TOMM70: variants seen among roughly 807,000 people sequenced by gnomAD.
The protein encoded by TOMM70 is translocase of outer mitochondrial membrane 70.
Under a neutral mutation model 73.6 loss-of-function variants are expected in TOMM70, and 13 were observed. The observed-to-expected ratio is 0.18, with a 90% CI of 0.11 to 0.28. The LOEUF is 0.28. TOMM70 is among the 10% of genes least tolerant of loss of function. The probability of loss-of-function intolerance (pLI) is 1.00; values close to 1 mark genes in which losing one functional copy is unlikely to be tolerated. For missense variants in TOMM70, 609 were observed against 747.5 expected, an observed-to-expected ratio of 0.81 and a Z score of 2.16; for synonymous variants, 257 against 271.2, an observed-to-expected ratio of 0.95 and a Z score of 0.51.
At chr3:100,382,187 G>A (rs1238212343) in intron 4 of TOMM70, among the ~76,000 whole-genome samples, 3 of 152,226 alleles carry the variant, frequency 2.0e-5, no homozygotes, top group South Asian at 2.1e-4. Flanking sequence ...CACAATTACC[G>A]TTTTAAATAA....
chr3:100,387,601 C>CACAGACACAGACACAG (rs1457494380), intron 1 of TOMM70, among the ~76,000 whole-genome samples: 2 of 107,978 alleles, frequency 1.9e-5, no homozygotes, highest in African/African-American at 8.6e-5. Flanking sequence ...CAGACACAGA[C>CACAGACACAGACACAG]ACACACACAC....
chr3:100,379,182 C>G (rs1189212112), intron 5 of TOMM70, among the ~76,000 whole-genome samples: 1 of 145,604 alleles, frequency 6.9e-6, no homozygotes. Context: ...TATGGAGATG[C>G]TTGTAGAAGT....
rs2148887273 is a variant in TOMM70 at position 100,363,507 on chromosome 3, AC to A, written c.*2056del. 1 of 152,784 alleles carries A rather than the reference AC, an allele frequency of 6.5e-6. No homozygotes were observed. Among genetic ancestry groups the A allele is most frequent in the South Asian group, 2.1e-4 (1 of 4,834 alleles). The allele number at this position is 152,784 out of a possible 1,614,324, so 9.5% of individuals were successfully genotyped here. A position where few individuals can be genotyped will look rare whatever the true frequency, so the allele number is the denominator to read the frequency against. On this transcript the variant is annotated 3_prime_UTR_variant, in exon 12 of 12. Coordinates refer to ENST00000284320, the MANE Select transcript of TOMM70 (RefSeq NM_014820.5). ...GGTGAATTTACATGTGAGGTCATTTACAAAAGAAAGATACAGACAGATGCAG... is the reference window on the plus strand; with the variant it reads ...GGTGAATTTACATGTGAGGTCATTTAAAAAGAAAGATACAGACAGATGCAG...
chr3:100,367,973 T>C (rs1706464561), intron 11 of TOMM70, 71 bp downstream of exon 11: 2 of 1,466,346 alleles, frequency 1.4e-6, no homozygotes, highest in Non-Finnish European at 1.9e-6. Context: ...CTTTAACATG[T>C]ACGTAATAAG....
intron 1 of TOMM70, among the ~76,000 whole-genome samples, chr3:100,393,045 G>A (rs1333228588): frequency 2.6e-5 from 4 of 151,890 alleles, no homozygotes; most frequent in Non-Finnish European, 4.4e-5. Context: ...GCATGGTGGC[G>A]CATGCTTGTA....
chr3:100,387,599 G>GACACACAGACACAC (rs1706706828), intron 1 of TOMM70, among the ~76,000 whole-genome samples: 1 of 118,188 alleles, frequency 8.5e-6, no homozygotes, highest in Admixed American at 9.2e-5. Context: ...CACAGACACA[G>GACACACAGACACAC]ACACACACAC....
chr3:100,390,100 A>G (rs1272012634), intron 1 of TOMM70, among the ~76,000 whole-genome samples: 1 of 152,216 alleles, frequency 6.6e-6, no homozygotes, highest in East Asian at 1.9e-4. Context: ...ACTGGCTCCA[A>G]GACAAAAGGT....
At chr3:100,365,755 G>C in intron 11 of TOMM70, 38 bp from the exon 12 acceptor site, 1 of 1,610,078 alleles carries the variant, frequency 6.2e-7, no homozygotes, top group Non-Finnish European at 8.5e-7. Context: ...GATTCAACAA[G>C]CACTTCACAA....
chr3:100,392,617 A>C (rs1421685285), intron 1 of TOMM70, among the ~76,000 whole-genome samples: 2 of 151,768 alleles, frequency 1.3e-5, no homozygotes, highest in Non-Finnish European at 2.9e-5. Flanking sequence ...AGGGTTTCAC[A>C]ATGTTGGCCA....
Position 100,365,511 on chromosome 3 carries a change from G to C in TOMM70, c.*53C>G. The C allele has an allele frequency of 6.2e-7, 1 of 1,610,428 alleles. No individual in the cohort carries two copies. The highest frequency in any genetic ancestry group is 8.5e-7 in the Non-Finnish European group (1 of 1,177,352). ...TTCATGACAGTGTCTTTAGGGTTCA[G>C]TTGAAGAGGGGGTAAACTTTTAAAA... is the stretch of plus-strand genomic sequence containing the variant. On this transcript the variant is annotated 3_prime_UTR_variant, in exon 12 of 12. Coordinates refer to ENST00000284320, the MANE Select transcript of TOMM70 (RefSeq NM_014820.5).
chr3:100,387,132 C>T (rs1052006751), intron 1 of TOMM70, among the ~76,000 whole-genome samples, 154 bp from the exon 2 acceptor site: 3 of 152,174 alleles, frequency 2.0e-5, no homozygotes, highest in African/African-American at 7.2e-5. Flanking sequence ...TAGATTCTAA[C>T]TAGTAGGATT....
At chr3:100,379,491 G>T (rs1466820453) in intron 5 of TOMM70, among the ~76,000 whole-genome samples, 1 of 152,098 alleles carries the variant, frequency 6.6e-6, no homozygotes, top group Non-Finnish European at 1.5e-5. Flanking sequence ...AGCCAGGCAT[G>T]GTGGTGTGCA....
chr3:100,397,513 A>C (rs1359766130), intron 1 of TOMM70, among the ~76,000 whole-genome samples: 1 of 152,256 alleles, frequency 6.6e-6, no homozygotes, highest in Non-Finnish European at 1.5e-5. Context: ...ATTTGGGGCC[A>C]AAAATAAATC....
chr3:100,375,713 A>G (rs1404407703), intron 6 of TOMM70, among the ~76,000 whole-genome samples: 2 of 152,190 alleles, frequency 1.3e-5, no homozygotes, highest in African/African-American at 4.8e-5. Flanking sequence ...ATTCACATAC[A>G]AGGTTTTTAA....
At position 100,363,932 on chromosome 3, in the gene TOMM70, A is replaced by G. The variant is rs1187377581; in HGVS notation, c.*1632T>C. Reference sequence around the variant, plus strand: ...GGAGTCATTTCTAATAGTTTCTAAAAAAGATAGCATTTGTAGACAAATCTT... The same window carrying G: ...GGAGTCATTTCTAATAGTTTCTAAAGAAGATAGCATTTGTAGACAAATCTT... On this transcript the variant is annotated 3_prime_UTR_variant, in exon 12 of 12. Transcript: ENST00000284320. 2.0e-5 allele frequency: 3 copies of G among 152,214 alleles called. No homozygotes were observed. The highest frequency in any genetic ancestry group is 2.9e-5 in the Non-Finnish European group (2 of 68,040). The allele number at this position is 152,214 out of a possible 1,614,324, so 9.4% of individuals were successfully genotyped here.
Position 100,367,707 on chromosome 3 carries a change from T to C in TOMM70, c.1673+337A>G, listed in dbSNP as rs564274843. ...TTTAATGGTGGATCTTAAGAGCAAC[T>C]CTGGATAAACACTTACACAAAATAA... On this transcript the variant is annotated intron_variant, in intron 11 of 11. Transcript: ENST00000284320. Among the ~76,000 whole-genome samples, 3 of 152,332 alleles carry C rather than the reference T, an allele frequency of 2.0e-5. No individual in the cohort carries two copies. The South Asian group carries it at 6.2e-4, about 32-fold the overall frequency.
intron 1 of TOMM70, among the ~76,000 whole-genome samples, chr3:100,391,656 C>T (rs985903615): frequency 3.3e-5 from 5 of 152,042 alleles, no homozygotes; most frequent in African/African-American, 4.8e-5. Flanking sequence ...AGGCTGGTAT[C>T]GAATTCCTGA....
Position 100,363,627 on chromosome 3 carries a change from G to A in TOMM70, c.*1937C>T, listed in dbSNP as rs1045700630. On this transcript the variant is annotated 3_prime_UTR_variant, in exon 12 of 12. Coordinates refer to ENST00000284320, the MANE Select transcript of TOMM70 (RefSeq NM_014820.5). ...AATGGCACATGCTTCAGTTTCCTTT[G>A]TGTTTCTCTACCCAACCCCAAGATG... 1.3e-5 allele frequency: 2 copies of A among 152,558 alleles called. No homozygotes were observed. The highest frequency in any genetic ancestry group is 4.8e-5 in the African/African-American group (2 of 41,430). 9.5% of individuals were successfully genotyped at this position (152,558 alleles called of 1,614,324 possible). A position where few individuals can be genotyped will look rare whatever the true frequency, so the allele number is the denominator to read the frequency against.
chr3:100,376,323 T>A (rs890615868), intron 6 of TOMM70, among the ~76,000 whole-genome samples: 1 of 152,012 alleles, frequency 6.6e-6, no homozygotes, highest in Non-Finnish European at 1.5e-5. Context: ...TTTCCCATGT[T>A]GTGTGATGTG....
Sources: gnomAD v4.1 joint callset for allele counts (sites outside exome capture counted in the v4.1 genomes callset) on GRCh38, gnomAD v4.1.1 for gene constraint, MANE v1.5 for transcripts, NCBI Gene and HGNC (gene_info 2026-07-23, HGNC 2026-07-21) for gene names.